Variants in APBA2 observed in about 807,000 individuals in gnomAD.
APBA2 encodes amyloid-beta A4 precursor protein-binding family A member 2.
A neutral mutation model predicts 75.0 loss-of-function variants in APBA2; 30 were observed. That is an observed-to-expected ratio of 0.40 (90% CI 0.30 to 0.54). The LOEUF is 0.54. Among genes scored for constraint, APBA2 ranks in the 20% least tolerant of loss-of-function variants. The probability of loss-of-function intolerance (pLI) is 0.49; values close to 1 mark genes in which losing one functional copy is unlikely to be tolerated. For synonymous variants in APBA2, 444 were observed against 409.6 expected (o/e 1.08, Z -1.01); for missense variants, 801 against 1,016.1 (o/e 0.79, Z 2.88).
At chr15:29,039,307 G>T (rs1006014416) in intron 3 of APBA2, among the ~76,000 whole-genome samples, 1 of 152,104 alleles carries the variant, frequency 6.6e-6, no homozygotes, top group Non-Finnish European at 1.5e-5. Flanking sequence ...CTGCAGCAGG[G>T]AGTGGTAGAG....
At chr15:29,078,722 C>T (rs1434722957) in intron 6 of APBA2, among the ~76,000 whole-genome samples, 1 of 152,080 alleles carries the variant, frequency 6.6e-6, no homozygotes, top group Non-Finnish European at 1.5e-5. Flanking sequence ...TCTTGGCCTC[C>T]TCTTCAGGCT....
chr15:28,961,916 C>T (rs1262924610), intron 2 of APBA2, among the ~76,000 whole-genome samples: 4 of 152,332 alleles, frequency 2.6e-5, no homozygotes, highest in African/African-American at 9.6e-5. Flanking sequence ...TGTTGCTTCT[C>T]TAAAGAGATA....
intron 10 of APBA2, 57 bp from the exon 11 acceptor site, chr15:29,105,322 A>C (rs2044338663): frequency 6.5e-7 from 1 of 1,539,076 alleles, no homozygotes; most frequent in African/African-American, 1.4e-5. Context: ...CCTGCTGAGG[A>C]GGCTGCGGGG....
chr15:29,078,610 CAA>C (rs1181567320), intron 6 of APBA2, among the ~76,000 whole-genome samples: 5 of 85,056 alleles, frequency 5.9e-5, no homozygotes, highest in Admixed American at 1.4e-4. Flanking sequence ...GACTCCATCT[CAA>C]AAAAAAAAAA....
At chr15:28,928,579 T>C (rs2034401763) in intron 2 of APBA2, among the ~76,000 whole-genome samples, 1 of 152,160 alleles carries the variant, frequency 6.6e-6, no homozygotes, top group Admixed American at 6.5e-5. Context: ...TATATAGCTT[T>C]TCCAGACCCC....
At chr15:28,925,664 A>G (rs1042191257) in intron 2 of APBA2, among the ~76,000 whole-genome samples, 1 of 152,216 alleles carries the variant, frequency 6.6e-6, no homozygotes, top group East Asian at 1.9e-4. Context: ...TGGATGGAAT[A>G]TTCTATAAAT....
chr15:28,936,008 G>A (rs2034845738), intron 2 of APBA2, among the ~76,000 whole-genome samples: 1 of 152,178 alleles, frequency 6.6e-6, no homozygotes, highest in African/African-American at 2.4e-5. Flanking sequence ...TTTGTTACAT[G>A]TTTATTTGAT....
intron 4 of APBA2, among the ~76,000 whole-genome samples, chr15:29,063,051 T>G (rs1332159558): frequency 4.5e-5 from 1 of 22,154 alleles, no homozygotes; most frequent in Non-Finnish European, 9.2e-5. Flanking sequence ...TCTGTATGGG[T>G]GGGGAGGGGA....
At chr15:29,068,430 G>A (rs1044963299) in intron 4 of APBA2, among the ~76,000 whole-genome samples, 13 of 152,356 alleles carry the variant, frequency 8.5e-5, no homozygotes, top group Non-Finnish European at 8.8e-5. Flanking sequence ...CGCAGCACTG[G>A]TGGGTGACTC....
intron 1 of APBA2, among the ~76,000 whole-genome samples, chr15:28,916,452 C>T (rs1375177711): frequency 6.6e-6 from 1 of 152,332 alleles, no homozygotes; most frequent in Admixed American, 6.5e-5. Flanking sequence ...AACACTCAAC[C>T]AGTACACATA....
At chr15:28,940,968 TG>T (rs2035189443) in intron 2 of APBA2, among the ~76,000 whole-genome samples, 1 of 152,228 alleles carries the variant, frequency 6.6e-6, no homozygotes, top group South Asian at 2.1e-4. Flanking sequence ...ATGGACAATT[TG>T]AACATCAGTA....
chr15:29,036,149 CT>C (rs1595790310), intron 3 of APBA2, among the ~76,000 whole-genome samples: 2 of 152,166 alleles, frequency 1.3e-5, no homozygotes, highest in Admixed American at 1.3e-4. Context: ...CCTCACCCCC[CT>C]ATGCTTTCCC....
At chr15:28,957,206 G>A (rs892878984) in intron 2 of APBA2, among the ~76,000 whole-genome samples, 2 of 151,818 alleles carry the variant, frequency 1.3e-5, no homozygotes, top group Non-Finnish European at 2.9e-5. Context: ...CCGAGTAGCT[G>A]GGACTACAGG....
At chr15:29,066,426 C>T (rs551716028) in intron 4 of APBA2, among the ~76,000 whole-genome samples, 2 of 152,316 alleles carry the variant, frequency 1.3e-5, no homozygotes, top group East Asian at 3.9e-4. Flanking sequence ...ACCTTGAAGA[C>T]GTCCTGCTAA....
intron 3 of APBA2, among the ~76,000 whole-genome samples, chr15:29,023,904 G>A (rs1219746763): frequency 1.6e-5 from 2 of 121,982 alleles, no homozygotes; most frequent in South Asian, 2.6e-4. Context: ...CCTTTTTGTC[G>A]ATTTTTTTTT....
intron 2 of APBA2, among the ~76,000 whole-genome samples, chr15:28,936,706 G>C (rs2034891786): frequency 1.3e-5 from 2 of 152,202 alleles, no homozygotes; most frequent in South Asian, 4.1e-4. Context: ...TCCCTGACTG[G>C]GCTGTGCCAC....
chr15:29,052,770 T>C lies in APBA2; in HGVS notation c.-40-1075T>C, dbSNP rs575369339. Among the ~76,000 whole-genome samples, 5 of 152,210 alleles carry C rather than the reference T, an allele frequency of 3.3e-5. No individual in the cohort carries two copies. In the South Asian group the frequency reaches 1.0e-3, roughly 32 times the overall value. ...GTTCTGGAGGCTGGGAAGTCCAAGG[T>C]CAAGGTGCCAGCATCTGGTAAGGGC... is the stretch of plus-strand genomic sequence containing the variant. On this transcript the variant is annotated intron_variant, in intron 3 of 14. Transcript: ENST00000683413.
intron 2 of APBA2, among the ~76,000 whole-genome samples, chr15:28,976,468 G>T (rs1401214888): frequency 2.6e-5 from 4 of 152,312 alleles, no homozygotes; most frequent in Middle Eastern, 6.8e-3. Context: ...CTGTGGACTT[G>T]TGGTAGATCC....
intron 2 of APBA2, among the ~76,000 whole-genome samples, chr15:28,951,475 G>A (rs1191114024): frequency 6.6e-6 from 1 of 152,192 alleles, no homozygotes; most frequent in African/African-American, 2.4e-5. Context: ...CTGGAGACAG[G>A]GTTCTTCTTG....
Sources: allele counts gnomAD v4.1 joint callset (sites outside exome capture counted in the v4.1 genomes callset), GRCh38; gene constraint gnomAD v4.1.1; transcripts MANE v1.5; gene names NCBI Gene and HGNC (gene_info 2026-07-23, HGNC 2026-07-21).